Variants in TOB1 observed in about 807,000 individuals in gnomAD.
The protein encoded by TOB1 is transducer of ERBB2, 1, also known as protein Tob1.
TOB1 carries 2 observed loss-of-function variants against 22.9 expected under a neutral mutation model. That is an observed-to-expected ratio of 0.09 (90% confidence interval 0.04 to 0.28). The LOEUF (loss-of-function observed/expected upper bound fraction) is 0.28. TOB1 is among the 10% of genes least tolerant of loss of function. The pLI is 1.00. For synonymous variants in TOB1, 154 were observed against 150.6 expected, an observed-to-expected ratio of 1.02 and a Z score of -0.17; for missense variants, 299 against 420.5, an observed-to-expected ratio of 0.71 and a Z score of 2.53.
chr17:50,862,873 G>A lies in TOB1; in HGVS notation c.*107C>T. The A allele has an allele frequency of 7.2e-7, 1 of 1,383,388 alleles. No homozygotes were observed. Among genetic ancestry groups the A allele is most frequent in the Non-Finnish European group, 9.5e-7 (1 of 1,048,500 alleles). The allele number at this position is 1,383,388 out of a possible 1,614,324, so 85.7% of individuals were successfully genotyped here. A position where few individuals can be genotyped will look rare whatever the true frequency, so the allele number is the denominator to read the frequency against. The stretch of plus-strand genomic sequence containing the variant: ...TATTATTATTTTTTTAACCAAGCTT[G>A]AATGTATCCTTACTATAAGCTTAAA... On this transcript the variant is annotated 3_prime_UTR_variant, in exon 2 of 2. Transcript: ENST00000499247.
chr17:50,865,835 C>A (rs887230194), intron 1 of TOB1, among the ~76,000 whole-genome samples: 1 of 151,888 alleles, frequency 6.6e-6, no homozygotes, highest in Admixed American at 6.6e-5. Context: ...CCGGGCCGCC[C>A]GTCCCCGGCC....
In TOB1 at chr17:50,862,387, T is replaced by C. The variant is rs1972227648; in HGVS notation, c.*593A>G. 1 of 152,616 alleles carries C rather than the reference T, an allele frequency of 6.6e-6. No homozygotes were observed. The highest frequency in any genetic ancestry group is 1.5e-5 in the Non-Finnish European group (1 of 68,040). 9.5% of individuals were successfully genotyped at this position (152,616 alleles called of 1,614,324 possible). On this transcript the variant is annotated 3_prime_UTR_variant, in exon 2 of 2. Coordinates refer to ENST00000499247, the MANE Select transcript of TOB1 (RefSeq NM_005749.4). ...GATTACATTTTTCTTCCATAATATA[T>C]AGCAAAAATCTTTAAACTTTTAACA...
chr17:50,863,669 TATC>T lies in TOB1; in HGVS notation c.346_348del (p.Asp116del). On this transcript the variant is annotated inframe_deletion, in exon 2 of 2. Coordinates refer to ENST00000499247, the MANE Select transcript of TOB1 (RefSeq NM_005749.4). ...TCCAACTCACATCCATTTTCATTAT[TATC>T]ATCCACGTAAAGCACCTTCACTGGT... 1.4e-5 allele frequency: 22 copies of T among 1,614,166 alleles called. No individual in the cohort carries two copies. The highest frequency in any genetic ancestry group is 1.9e-5 in the Non-Finnish European group (22 of 1,180,026).
chr17:50,865,748 C>T (rs942336771), intron 1 of TOB1, among the ~76,000 whole-genome samples: 1 of 152,104 alleles, frequency 6.6e-6, no homozygotes, highest in African/African-American at 2.4e-5. Context: ...GGCCACCGGC[C>T]CCTCGAACCC....
rs199812567 is a variant in TOB1, at chr17:50,864,026, C to T, written c.-9G>A. On this transcript the variant is annotated 5_prime_UTR_variant, in exon 2 of 2. Coordinates refer to ENST00000499247, the MANE Select transcript of TOB1 (RefSeq NM_005749.4). ...TGGATTTCAAGCTGCATAGCTGCTA[C>T]GCCACAAAATTAGGTTTCAACTCCC... 5,577 of 1,071,606 alleles carry T rather than the reference C, an allele frequency of 5.2e-3. 11 individuals are homozygous for T. The highest frequency in any genetic ancestry group is 6.5e-3 in the Non-Finnish European group (5,320 of 822,998). 66.4% of individuals were successfully genotyped at this position (1,071,606 alleles called of 1,614,324 possible).
chr17:50,865,502 G>C (rs1478100093), intron 1 of TOB1, among the ~76,000 whole-genome samples: 2 of 152,204 alleles, frequency 1.3e-5, no homozygotes, highest in South Asian at 4.1e-4. Flanking sequence ...GGAGGTGGAG[G>C]AGGAAGAGAG....
intron 1 of TOB1, among the ~76,000 whole-genome samples, chr17:50,865,537 A>C (rs1490184897): frequency 1.3e-5 from 2 of 152,096 alleles, no homozygotes; most frequent in Non-Finnish European, 2.9e-5. Flanking sequence ...GAGAAGGAGG[A>C]GGAAGGCCCG....
At position 50,866,315 on chromosome 17, in the gene TOB1, G is replaced by C. The variant is rs1283654450; in HGVS notation, c.-404C>G. ...CGGTGCCCGGCCCAGCGTCCCCGTA[G>C]TGCGCCCGCTACACGCCGGGCCAGA... On this transcript the variant is annotated 5_prime_UTR_variant, in exon 1 of 2. Coordinates refer to ENST00000499247, the MANE Select transcript of TOB1 (RefSeq NM_005749.4). The C allele has an allele frequency of 1.3e-5, 2 of 152,322 alleles. No homozygotes were observed. Among genetic ancestry groups the C allele is most frequent in the Non-Finnish European group, 2.9e-5 (2 of 68,146 alleles). 9.4% of individuals were successfully genotyped at this position (152,322 alleles called of 1,614,324 possible). A position where few individuals can be genotyped will look rare whatever the true frequency, so the allele number is the denominator to read the frequency against.
At chr17:50,867,480 A>G (rs1399469969), upstream of TOB1, 1 of 152,156 alleles carries the variant, frequency 6.6e-6, no homozygotes, top group African/African-American at 2.4e-5. Context: ...CTCTCAGCTA[A>G]AAATATTACT....
chr17:50,864,055 CCAAAAA>C lies in TOB1; in HGVS notation c.-44_-39del. The C allele has an allele frequency of 7.4e-6, 5 of 679,600 alleles. No individual in the cohort carries two copies. Among genetic ancestry groups the C allele is most frequent in the South Asian group, 5.8e-5 (1 of 17,152 alleles). The allele number at this position is 679,600 out of a possible 1,614,324, so 42.1% of individuals were successfully genotyped here. ...ACAAAATTAGGTTTCAACTCCCCCA[CCAAAAA>C]AAAAAAAAAAAAAAAAAGATGTTCA... On this transcript the variant is annotated 5_prime_UTR_variant, in exon 2 of 2. Transcript: ENST00000499247.
At position 50,863,189 on chromosome 17, in the gene TOB1, G is replaced by C. The variant is rs150689356; in HGVS notation, c.829C>G (p.Pro277Ala). The change falls in exon 2 of 2, where the codon CCT (proline) becomes GCT (alanine). Residue 277 changes from proline to alanine, a missense_variant. Physicochemically the swap from Pro to Ala is conservative, Grantham distance 27. Coordinates refer to ENST00000499247, the MANE Select transcript of TOB1 (RefSeq NM_005749.4). ...CTACTACCTTGACCCTGCATATTAG[G>C]AAAAATAAATTCCTTGGCATTAGGA... ...LSPNAKEFIFPNMQGQGSSTN... is the reference protein window; with the variant it reads ...LSPNAKEFIFANMQGQGSSTN... 1.8e-4 allele frequency: 292 copies of C among 1,614,126 alleles called. 1 individual carries two copies. Among genetic ancestry groups the C allele is most frequent in the South Asian group, 1.1e-3 (102 of 91,078 alleles).
At chr17:50,867,193 G>A (rs1373688989), upstream of TOB1, 1 of 152,330 alleles carries the variant, frequency 6.6e-6, no homozygotes, top group African/African-American at 2.4e-5. Context: ...CGTGCCCAGA[G>A]TGTGGCGACA....
At chr17:50,864,532 C>CA (rs1972268242) in intron 1 of TOB1, among the ~76,000 whole-genome samples, 3 of 152,108 alleles carry the variant, frequency 2.0e-5, no homozygotes, top group Admixed American at 6.5e-5. Context: ...ATCCTCCCCC[C>CA]ACCCCCATAT....
At chr17:50,867,052 T>TG (rs1474351241), upstream of TOB1, 1 of 152,088 alleles carries the variant, frequency 6.6e-6, no homozygotes, top group South Asian at 2.1e-4. Context: ...GGAGCCGGGC[T>TG]GGGGGTGGGG....
intron 1 of TOB1, among the ~76,000 whole-genome samples, chr17:50,864,585 C>G (rs927466072): frequency 6.6e-6 from 1 of 151,970 alleles, no homozygotes; most frequent in African/African-American, 2.4e-5. Flanking sequence ...TTGTTATTCA[C>G]CAACTTAGAA....
rs1972226395 is a variant in TOB1 at position 50,862,306 on chromosome 17, C to G, written c.*674G>C. On this transcript the variant is annotated 3_prime_UTR_variant, in exon 2 of 2. Coordinates refer to ENST00000499247, the MANE Select transcript of TOB1 (RefSeq NM_005749.4). The stretch of plus-strand genomic sequence containing the variant: ...ACATGTAAGACACTGACTCAAAATA[C>G]TTTTATACCGTTTTTTTCAAGTATT... The G allele has an allele frequency of 6.6e-6, 1 of 152,230 alleles. No individual in the cohort carries two copies. Among genetic ancestry groups the G allele is most frequent in the African/African-American group, 2.4e-5 (1 of 41,280 alleles). 9.4% of individuals were successfully genotyped at this position (152,230 alleles called of 1,614,324 possible).
chr17:50,864,189 A>C, intron 1 of TOB1, 26 bp from the exon 2 acceptor site: 1 of 1,276,528 alleles, frequency 7.8e-7, no homozygotes, highest in Non-Finnish European at 1.0e-6. Context: ...AACATATCCA[A>C]ATAAGATAAA....
In TOB1 at chr17:50,863,419, T is replaced by G; in HGVS notation, c.599A>C (p.Lys200Thr). Residue 200 changes from lysine (K) to threonine (T), a missense_variant, in exon 2 of 2, where the codon AAG becomes ACG. Lys to Thr is a moderately conservative substitution (Grantham distance 78). Transcript: ENST00000499247. ...GTTGATGGGAGAAGTACGTGCAACC[T>G]TGTTGCTACGGCCACTATTCTTCAT... The part of the protein sequence containing the change: ...TKMKNSGRSN[K>T]VARTSPINLG... 6.2e-7 allele frequency: 1 copy of G among 1,614,168 alleles called. No individual in the cohort carries two copies. Among genetic ancestry groups the G allele is most frequent in the Admixed American group, 1.7e-5 (1 of 60,018 alleles).
At position 50,862,618 on chromosome 17, in the gene TOB1, T is replaced by C. The variant is rs1972230302; in HGVS notation, c.*362A>G. ...ATGCAATACCATGTCGTAGAAACAA[T>C]ATATATATATCCTCTGATATTTTAC... On this transcript the variant is annotated 3_prime_UTR_variant, in exon 2 of 2. Transcript: ENST00000499247. 6.0e-6 allele frequency: 1 copy of C among 167,078 alleles called. No individual in the cohort carries two copies. The highest frequency in any genetic ancestry group is 6.3e-5 in the Admixed American group (1 of 15,956). The allele number at this position is 167,078 out of a possible 1,614,324, so 10.3% of individuals were successfully genotyped here.
Sources: gnomAD v4.1 joint callset for allele counts (sites outside exome capture counted in the v4.1 genomes callset) on GRCh38, gnomAD v4.1.1 for gene constraint, MANE v1.5 for transcripts, NCBI Gene and HGNC (gene_info 2026-07-23, HGNC 2026-07-21) for gene names.